The following HELQ variants were observed in gnomAD, a reference collection of about 807,000 sequenced individuals.
HELQ encodes the protein helicase, POLQ like.
HELQ carries 77 observed loss-of-function variants against 111.6 expected under a neutral mutation model. The observed-to-expected ratio is 0.69, with a 90% CI of 0.57 to 0.83. The LOEUF is 0.83. Among genes scored for constraint, HELQ ranks in the 40% least tolerant of loss-of-function variants. The pLI is 0.00. For missense variants in HELQ, 1,200 were observed against 1,288.5 expected (o/e 0.93, Z 1.05); for synonymous variants, 438 against 454.7 (o/e 0.96, Z 0.47).
intron 8 of HELQ, 50 bp from the exon 9 acceptor site, chr4:83,437,147 A>G: frequency 6.4e-7 from 1 of 1,557,414 alleles, no homozygotes; most frequent in Non-Finnish European, 8.7e-7. Flanking sequence ...TTTAGTGACA[A>G]AATTTCTACC....
chr4:83,413,500 T>C lies in HELQ; in HGVS notation c.3198+3231A>G, dbSNP rs140048009. Among the ~76,000 whole-genome samples the C allele has an allele frequency of 1.3e-3, 200 of 152,308 alleles. 1 individual carries two copies. The highest frequency in any genetic ancestry group is 4.6e-3 in the African/African-American group (191 of 41,568). On this transcript the variant is annotated intron_variant, in intron 17 of 17. Coordinates refer to ENST00000295488, the MANE Select transcript of HELQ (RefSeq NM_133636.5). ...AAGCCTTTTGGGGGTTAATATATTT[T>C]GCATGTGGGAGGAACAGAAACAATT... is the stretch of plus-strand genomic sequence containing the variant.
intron 15 of HELQ, among the ~76,000 whole-genome samples, chr4:83,419,710 A>G (rs1399230272): frequency 1.3e-5 from 2 of 151,964 alleles, no homozygotes; most frequent in Non-Finnish European, 2.9e-5. Flanking sequence ...ACAAATATAG[A>G]AGACTTAAGA....
intron 16 of HELQ, among the ~76,000 whole-genome samples, chr4:83,417,531 T>C (rs1739429833): frequency 6.6e-6 from 1 of 152,188 alleles, no homozygotes; most frequent in Non-Finnish European, 1.5e-5. Context: ...GTTCTCACCA[T>C]CTACTCAGGG....
Position 83,419,242 on chromosome 4 carries a change from G to A in HELQ, c.2950-1036C>T, listed in dbSNP as rs1739528949. ...GGCTCAAGACGATTCTTCTTCCAAT[G>A]TGGCCCAGGGAAGCCAAAAGATTGA... On this transcript the variant is annotated intron_variant, in intron 15 of 17. Transcript: ENST00000295488. 1.4e-5 allele frequency among the ~76,000 whole-genome samples: 2 copies of A among 144,986 alleles called. 1 individual carries two copies. Among genetic ancestry groups the A allele is most frequent in the South Asian group, 4.4e-4 (2 of 4,592 alleles).
In HELQ at chr4:83,446,850, C is replaced by A; in HGVS notation, c.1377G>T (p.Leu459=). The change falls in exon 4 of 18, where the codon CTG becomes CTT. Residue 459 remains leucine, a synonymous_variant. Transcript: ENST00000295488. ...ATTAACCAACCTCGTCTACAACAAC[C>A]AGACCCAGACTGTCAATTCTTCCAG... The part of the protein sequence containing the change: ...IETGRIDSLG[L]VVVDELHMIG... 1 of 1,610,716 alleles carries A rather than the reference C, an allele frequency of 6.2e-7. No individual in the cohort carries two copies. The highest frequency in any genetic ancestry group is 8.5e-7 in the Non-Finnish European group (1 of 1,177,542).
chr4:83,442,907 CTATT>C (rs1452589023), intron 6 of HELQ, among the ~76,000 whole-genome samples: 1 of 151,954 alleles, frequency 6.6e-6, no homozygotes, highest in Non-Finnish European at 1.5e-5. Context: ...TTCTGAAAAC[CTATT>C]TAGACACTGA....
Position 83,444,509 on chromosome 4 carries a change from G to A in HELQ, c.1466-895C>T, listed in dbSNP as rs566725665. On this transcript the variant is annotated intron_variant, in intron 5 of 17. Transcript: ENST00000295488. ...AGTTCTCCTTGCCCCAACCTCCCGA[G>A]TAGTTGGGACTATAGTTTTTGTTGA... Among the ~76,000 whole-genome samples the A allele has an allele frequency of 5.3e-5, 8 of 152,156 alleles. No homozygotes were observed. In the South Asian group the frequency reaches 1.7e-3, roughly 32 times the overall value.
chr4:83,440,881 G>A (rs749888044), intron 7 of HELQ, among the ~76,000 whole-genome samples: 1 of 152,148 alleles, frequency 6.6e-6, no homozygotes, highest in South Asian at 2.1e-4. Flanking sequence ...TTTAGTAGCT[G>A]TTAGAATAAA....
intron 9 of HELQ, among the ~76,000 whole-genome samples, chr4:83,435,417 A>G (rs1281344547): frequency 6.6e-6 from 1 of 152,206 alleles, no homozygotes; most frequent in Non-Finnish European, 1.5e-5. Context: ...CAATATTTAC[A>G]AAATCCCTAA....
chr4:83,453,571 C>G lies in HELQ; in HGVS notation c.672G>C (p.Lys224Asn), dbSNP rs753983628. 1.2e-6 allele frequency: 2 copies of G among 1,613,136 alleles called. No individual in the cohort carries two copies. The highest frequency in any genetic ancestry group is 3.3e-5 in the Admixed American group (2 of 59,962). ...CATTCACAGTGTTGTGAGAGGATGA[C>G]TTCCAATCCCTTTCTTTCATAGAAT... ...GDHSMKERDW[K>N]SSSHNTVNEE... The change falls in exon 2 of 18, where the codon AAG becomes AAC. Residue 224 changes from lysine to asparagine, a missense_variant. Lys to Asn is a moderately conservative substitution (Grantham distance 94). Around this residue, in one of 3 missense-constraint regions of HELQ, gnomAD observed 610 missense variants for 607.1 expected, o/e 1.00. Coordinates refer to ENST00000295488, the MANE Select transcript of HELQ (RefSeq NM_133636.5).
Position 83,407,420 on chromosome 4 carries a change from T to C in HELQ, c.*33A>G. 1 of 1,328,170 alleles carries C rather than the reference T, an allele frequency of 7.5e-7. No individual in the cohort carries two copies. The highest frequency in any genetic ancestry group is 1.1e-6 in the Non-Finnish European group (1 of 946,000). The allele number at this position is 1,328,170 out of a possible 1,614,324, so 82.3% of individuals were successfully genotyped here. On this transcript the variant is annotated 3_prime_UTR_variant, in exon 18 of 18. Transcript: ENST00000295488. ...TTTAATAACACACATGTACAATAAA[T>C]AATTCATATATGAAAATTCTCATCA...
chr4:83,450,894 AG>A (rs981171996), intron 2 of HELQ, among the ~76,000 whole-genome samples: 1 of 152,098 alleles, frequency 6.6e-6, no homozygotes, highest in African/African-American at 2.4e-5. Flanking sequence ...TGAGCCTGGG[AG>A]GTTGACGCTG....
At chr4:83,423,045 G>A (rs1719628214) in intron 14 of HELQ, among the ~76,000 whole-genome samples, 1 of 152,066 alleles carries the variant, frequency 6.6e-6, no homozygotes, top group African/African-American at 2.4e-5. Context: ...GACCACATTT[G>A]TGCATAAAGG....
Position 83,455,440 on chromosome 4 carries a change from T to C in HELQ, c.254A>G (p.Asp85Gly). 1 of 1,613,912 alleles carries C rather than the reference T, an allele frequency of 6.2e-7. No individual in the cohort carries two copies. Among genetic ancestry groups the C allele is most frequent in the Non-Finnish European group, 8.5e-7 (1 of 1,179,982 alleles). Residue 85 changes from aspartate to glycine, a missense_variant, in exon 1 of 18, where the codon GAC becomes GGC. Around this residue, in one of 3 missense-constraint regions of HELQ, gnomAD observed 610 missense variants for 607.1 expected, o/e 1.00. Transcript: ENST00000295488. ...LVLGGGDTNPDLLRHMPTDRG... is the reference protein window; with the variant it reads ...LVLGGGDTNPGLLRHMPTDRG... ...GTCAGTGGGCATGTGACGTAGGAGG[T>C]CCGGGTTTGTATCACCACCTCCAAG... is the stretch of plus-strand genomic sequence containing the variant.
At chr4:83,436,099 A>G (rs914050454) in intron 9 of HELQ, among the ~76,000 whole-genome samples, 2 of 152,168 alleles carry the variant, frequency 1.3e-5, no homozygotes, top group African/African-American at 4.8e-5. Context: ...GTATATCTAA[A>G]TAGTTTTGAA....
intron 9 of HELQ, 39 bp downstream of exon 9, chr4:83,436,819 A>C (rs1271957149): frequency 6.4e-7 from 1 of 1,568,014 alleles, no homozygotes. Flanking sequence ...CTAGAAATGG[A>C]AAAGTTCTGA....
intron 3 of HELQ, among the ~76,000 whole-genome samples, chr4:83,447,364 C>T (rs143562916): frequency 1.3e-5 from 2 of 151,220 alleles, no homozygotes; most frequent in Admixed American, 6.6e-5. Flanking sequence ...AATAAATAAA[C>T]AAAACCAAAA....
chr4:83,418,274 TA>T, intron 15 of HELQ, 68 bp from the exon 16 acceptor site: 2 of 823,764 alleles, frequency 2.4e-6, no homozygotes, highest in East Asian at 2.6e-5. Flanking sequence ...GTTTGTGTGA[TA>T]GGGGGCTCAG....
Position 83,446,818 on chromosome 4 carries a change from C to A in HELQ, c.1392+17G>T, listed in dbSNP as rs1212835874. 1.3e-6 allele frequency: 2 copies of A among 1,519,598 alleles called. No individual in the cohort carries two copies. Among genetic ancestry groups the A allele is most frequent in the Admixed American group, 1.8e-5 (1 of 55,234 alleles). 94.1% of individuals were successfully genotyped at this position (1,519,598 alleles called of 1,614,324 possible). ...GTATAATAAAAATATTGACAAATTA[C>A]AAAAGTATTAACCAACCTCGTCTAC... is the stretch of plus-strand genomic sequence containing the variant. On this transcript the variant is annotated intron_variant, in intron 4 of 17. Transcript: ENST00000295488.
Sources: allele counts gnomAD v4.1 joint callset (sites outside exome capture counted in the v4.1 genomes callset), GRCh38; gene constraint gnomAD v4.1.1; regional missense constraint gnomAD v4.1.1; transcripts MANE v1.5; gene names NCBI Gene and HGNC (gene_info 2026-07-23, HGNC 2026-07-21).